Variants in BCAR3 observed in about 807,000 individuals in gnomAD.
The protein encoded by BCAR3 is BCAR3 adaptor protein, NSP family member.
In BCAR3, 37 loss-of-function variants were observed where a neutral mutation model predicts 80.1. The observed-to-expected ratio is 0.46, with a 90% confidence interval of 0.36 to 0.61. BCAR3 has a LOEUF of 0.61. Ranked by LOEUF, BCAR3 falls within the 20% of genes least tolerant of loss-of-function variation. BCAR3 has a pLI of 0.00. For synonymous variants in BCAR3, 389 were observed against 418.9 expected (o/e 0.93, Z 0.87); for missense variants, 978 against 1,068.2 (o/e 0.92, Z 1.18).
chr1:93,571,596 G>A, intron 9 of BCAR3, 74 bp downstream of exon 9: 1 of 1,558,934 alleles, frequency 6.4e-7, no homozygotes, highest in South Asian at 1.1e-5. Context: ...GACTAAAATA[G>A]TCTGATTTGC....
chr1:93,585,104 T>C, intron 5 of BCAR3: 1 of 985,394 alleles, frequency 1.0e-6, no homozygotes, highest in Non-Finnish European at 1.2e-6. Flanking sequence ...CGAGAAGTGA[T>C]ATTTAAGCAG....
At chr1:93,673,058 G>A (rs543533399) in intron 2 of BCAR3, among the ~76,000 whole-genome samples, 1 of 152,142 alleles carries the variant, frequency 6.6e-6, no homozygotes, top group South Asian at 2.1e-4. Flanking sequence ...GAAGGCCCAT[G>A]GTTGCTTTCC....
chr1:93,621,811 T>C (rs1443017272), intron 3 of BCAR3, among the ~76,000 whole-genome samples: 1 of 152,166 alleles, frequency 6.6e-6, no homozygotes, highest in Non-Finnish European at 1.5e-5. Context: ...CCGTCACAGA[T>C]ATCGTTTCAC....
At chr1:93,722,280 C>A (rs1378781757) in intron 2 of BCAR3, among the ~76,000 whole-genome samples, 3 of 152,236 alleles carry the variant, frequency 2.0e-5, no homozygotes, top group East Asian at 1.9e-4. Context: ...TTTTTGGCTT[C>A]TTGGCCTTTA....
chr1:93,757,332 T>TC (rs535950889), intron 2 of BCAR3, among the ~76,000 whole-genome samples: 11 of 151,960 alleles, frequency 7.2e-5, no homozygotes, highest in Non-Finnish European at 2.9e-5. Context: ...AGACAGCAGC[T>TC]CCCCCCATTT....
chr1:93,603,239 C>T (rs758942498), intron 3 of BCAR3, among the ~76,000 whole-genome samples: 2 of 152,242 alleles, frequency 1.3e-5, no homozygotes, highest in East Asian at 1.9e-4. Context: ...GGCATCTTTG[C>T]CTGACCCAGC....
chr1:93,616,736 C>T (rs1675140307), intron 3 of BCAR3, among the ~76,000 whole-genome samples: 2 of 152,214 alleles, frequency 1.3e-5, no homozygotes, highest in African/African-American at 4.8e-5. Flanking sequence ...ACAGGGCTTT[C>T]TAAACACCAT....
chr1:93,639,299 C>T (rs2101906535), intron 3 of BCAR3, among the ~76,000 whole-genome samples: 2 of 152,250 alleles, frequency 1.3e-5, no homozygotes, highest in East Asian at 3.9e-4. Context: ...ACCCAGCTCT[C>T]TCCTGCCATG....
intron 2 of BCAR3, among the ~76,000 whole-genome samples, chr1:93,770,341 T>C (rs1281554202): frequency 6.6e-6 from 1 of 151,992 alleles, no homozygotes; most frequent in Non-Finnish European, 1.5e-5. Context: ...CAGGAGACAG[T>C]GAAGAGAGTG....
chr1:93,803,414 C>T (rs1360038796), intron 2 of BCAR3, among the ~76,000 whole-genome samples: 1 of 152,160 alleles, frequency 6.6e-6, no homozygotes, highest in East Asian at 1.9e-4. Context: ...TAATAACAAG[C>T]ATAGGAAGAA....
rs77130868 is a variant in BCAR3 at position 93,805,477 on chromosome 1, C to T, written c.-63+40090G>A. 3.2e-3 allele frequency among the ~76,000 whole-genome samples: 485 copies of T among 152,336 alleles called. 1 individual carries two copies. Among genetic ancestry groups the T allele is most frequent in the Non-Finnish European group, 5.5e-3 (373 of 68,032 alleles). ...TGTCAATCACCTTCTTTCAGTAAAA[C>T]ACTGGACAGTGTGTCTCTGAAGACA... On this transcript the variant is annotated intron_variant, in intron 2 of 13. Coordinates refer to the BCAR3 transcript ENST00000370244.
At chr1:93,584,935 ATTG>A (rs1208707539) in intron 5 of BCAR3, 1 of 961,986 alleles carries the variant, frequency 1.0e-6, no homozygotes, top group Non-Finnish European at 1.2e-6. Flanking sequence ...AGCATAAAAC[ATTG>A]TTATGTTACA....
intron 2 of BCAR3, among the ~76,000 whole-genome samples, chr1:93,776,392 G>A (rs999490503): frequency 3.3e-5 from 5 of 151,932 alleles, no homozygotes; most frequent in Admixed American, 3.3e-4. Context: ...TTTTATCTGC[G>A]GAAATGTACT....
At position 93,582,354 on chromosome 1, in the gene BCAR3, T is replaced by C; in HGVS notation, c.1633A>G (p.Thr545Ala). 2 of 1,614,182 alleles carry C rather than the reference T, an allele frequency of 1.2e-6. No individual in the cohort carries two copies. Among genetic ancestry groups the C allele is most frequent in the East Asian group, 2.2e-5 (1 of 44,872 alleles). ...GCGATGACCTTGGGGTCGTTGTTGGTGAACAGTTCTTTTGCACGTTTCAAC... is the reference window on the plus strand; with the variant it reads ...GCGATGACCTTGGGGTCGTTGTTGGCGAACAGTTCTTTTGCACGTTTCAAC... ...AMLKRAKELFTNNDPKVIAQH... is the reference protein window; with the variant it reads ...AMLKRAKELFANNDPKVIAQH... Residue 545 changes from threonine (T) to alanine (A), a missense_variant, in exon 7 of 12, where the codon ACC (threonine) becomes GCC (alanine). Transcript: ENST00000260502.
chr1:93,610,887 C>T (rs532061375), intron 3 of BCAR3, among the ~76,000 whole-genome samples: 31 of 151,916 alleles, frequency 2.0e-4, no homozygotes, highest in South Asian at 8.3e-4. Flanking sequence ...GCCGAGATCA[C>T]GCCATTGCAC....
At chr1:93,809,885 G>A (rs1557695430) in intron 2 of BCAR3, among the ~76,000 whole-genome samples, 1 of 151,814 alleles carries the variant, frequency 6.6e-6, no homozygotes. Context: ...AAAACCTGGT[G>A]GCATGCAGTT....
At chr1:93,832,475 G>A (rs1311621181) in intron 2 of BCAR3, among the ~76,000 whole-genome samples, 1 of 152,174 alleles carries the variant, frequency 6.6e-6, no homozygotes, top group Non-Finnish European at 1.5e-5. Context: ...TGGAACTCTG[G>A]CCCAAGGCTC....
intron 8 of BCAR3, among the ~76,000 whole-genome samples, chr1:93,573,571 C>T (rs1379824333): frequency 6.6e-6 from 1 of 150,626 alleles, no homozygotes; most frequent in Non-Finnish European, 1.5e-5. Flanking sequence ...ATTTGTCTTT[C>T]TCAATTAATG....
chr1:93,845,588 A>C (rs990430875), exon 2 of BCAR3: 1 of 150,834 alleles, frequency 6.6e-6, no homozygotes, highest in African/African-American at 2.4e-5. Flanking sequence ...GCGATTCACA[A>C]TTCGCATCCT....
Sources: gnomAD v4.1 joint callset for allele counts (sites outside exome capture counted in the v4.1 genomes callset) on GRCh38, gnomAD v4.1.1 for gene constraint, MANE v1.5 for transcripts, NCBI Gene and HGNC (gene_info 2026-07-23, HGNC 2026-07-21) for gene names.